BLNK: variants seen among roughly 807,000 people sequenced by gnomAD.
The protein encoded by BLNK is B-cell linker protein.
A neutral mutation model predicts 73.5 loss-of-function variants in BLNK; 29 were observed. That is an observed-to-expected ratio of 0.39 (90% CI 0.29 to 0.54). The LOEUF is 0.54. BLNK is among the 20% of genes least tolerant of loss of function. The pLI is 0.61. For synonymous variants in BLNK, 176 were observed against 200.8 expected (o/e 0.88, Z 1.04); for missense variants, 460 against 562.8 (o/e 0.82, Z 1.85).
chr10:96,239,158 C>T, intron 3 of BLNK: 1 of 398,626 alleles, frequency 2.5e-6, no homozygotes, highest in Non-Finnish European at 4.4e-6. Flanking sequence ...GGAAAGGGAG[C>T]AGGTGTCTGA....
intron 1 of BLNK, among the ~76,000 whole-genome samples, chr10:96,270,649 A>C (rs1396224607): frequency 2.0e-5 from 3 of 152,100 alleles, no homozygotes; most frequent in Admixed American, 6.5e-5. Flanking sequence ...TGAAAAAAAA[A>C]CTGCACTCCC....
At chr10:96,199,233 A>G (rs1410875336) in intron 15 of BLNK, among the ~76,000 whole-genome samples, 1 of 152,208 alleles carries the variant, frequency 6.6e-6, no homozygotes. Context: ...GAAAACAAAG[A>G]AAAAGAAAAT....
At chr10:96,227,388 C>A (rs2305846) in intron 5 of BLNK, 22 bp downstream of exon 5, 6 of 1,610,848 alleles carry the variant, frequency 3.7e-6, no homozygotes, top group Non-Finnish European at 5.1e-6. Flanking sequence ...GGCCGAGTGC[C>A]CAGGTCTGCG....
At chr10:96,232,185 A>G (rs1842524625) in intron 3 of BLNK, among the ~76,000 whole-genome samples, 1 of 152,220 alleles carries the variant, frequency 6.6e-6, no homozygotes. Flanking sequence ...CCATGACAGC[A>G]CCACAGAGGG....
At chr10:96,231,188 A>T (rs1554903945) in intron 3 of BLNK, among the ~76,000 whole-genome samples, 1 of 152,142 alleles carries the variant, frequency 6.6e-6, no homozygotes, top group Non-Finnish European at 1.5e-5. Context: ...CAGGACAGGG[A>T]ATCAGACAGA....
At chr10:96,204,006 G>T (rs782631227) in intron 13 of BLNK, 51 bp downstream of exon 13, 1 of 1,521,116 alleles carries the variant, frequency 6.6e-7, no homozygotes, top group South Asian at 1.1e-5. Flanking sequence ...CAGACTCTAG[G>T]ATCCAGCCTC....
At chr10:96,216,801 T>A (rs1554899993) in intron 6 of BLNK, 67 bp from the exon 7 acceptor site, 2 of 1,359,982 alleles carry the variant, frequency 1.5e-6, no homozygotes, top group East Asian at 2.3e-5. Flanking sequence ...TGGGAGGGAG[T>A]GATTTTTTTA....
chr10:96,193,421 A>G (rs1416121920), intron 16 of BLNK, among the ~76,000 whole-genome samples: 3 of 152,216 alleles, frequency 2.0e-5, no homozygotes, highest in Non-Finnish European at 4.4e-5. Context: ...TTATACAAAC[A>G]AATATCTCAT....
chr10:96,206,941 G>T, intron 11 of BLNK, 70 bp downstream of exon 11: 1 of 1,438,982 alleles, frequency 6.9e-7, no homozygotes, highest in Non-Finnish European at 9.8e-7. Context: ...TGTAATAAAT[G>T]TGTACATACA....
chr10:96,210,461 T>C (rs1050052973), intron 8 of BLNK, among the ~76,000 whole-genome samples: 2 of 152,266 alleles, frequency 1.3e-5, no homozygotes, highest in Non-Finnish European at 2.9e-5. Context: ...TCAAGGGCTT[T>C]CGCCGACAGG....
intron 2 of BLNK, among the ~76,000 whole-genome samples, chr10:96,245,788 G>A (rs1432854856): frequency 6.6e-6 from 1 of 152,042 alleles, no homozygotes; most frequent in Non-Finnish European, 1.5e-5. Flanking sequence ...GTGTATGTAT[G>A]TATGTGTTTA....
Position 96,248,558 on chromosome 10 carries a change from TG to T in BLNK, c.48-1510del, listed in dbSNP as rs1234286684. 2.0e-5 allele frequency among the ~76,000 whole-genome samples: 3 copies of T among 152,232 alleles called. No individual in the cohort carries two copies. In the East Asian group the frequency reaches 5.8e-4, roughly 29 times the overall value. On this transcript the variant is annotated intron_variant, in intron 1 of 16. Transcript: ENST00000224337. ...CAAGATTTAAAACGTCCATGACTTT[TG>T]ACCCAGCAATTGGACTGCTAAGAAT...
intron 2 of BLNK, 62 bp from the exon 3 acceptor site, chr10:96,242,846 G>A: frequency 7.3e-7 from 1 of 1,371,616 alleles, no homozygotes; most frequent in Non-Finnish European, 1.0e-6. Flanking sequence ...CAAAGCCGAT[G>A]CTAGAAGCTG....
intron 3 of BLNK, among the ~76,000 whole-genome samples, chr10:96,240,929 A>G (rs782437371): frequency 1.3e-5 from 2 of 152,384 alleles, no homozygotes; most frequent in Non-Finnish European, 2.9e-5. Flanking sequence ...TTCTCATATA[A>G]CTAGGAAGCT....
rs587764179 is a variant in BLNK at position 96,199,805 on chromosome 10, A to G, written c.1095+270T>C. On this transcript the variant is annotated intron_variant, in intron 15 of 16. Coordinates refer to ENST00000224337, the MANE Select transcript of BLNK (RefSeq NM_013314.4). The stretch of plus-strand genomic sequence containing the variant: ...GAGGCCAAGGCCGCCAGGCAGATCA[A>G]CTGAGGTCAGGAGTTCGAGAGCAGC... Among the ~76,000 whole-genome samples, 23 of 152,170 alleles carry G rather than the reference A, an allele frequency of 1.5e-4. No individual in the cohort carries two copies. In the East Asian group the frequency reaches 3.5e-3, roughly 23 times the overall value.
At chr10:96,253,445 G>A (rs963691688) in intron 1 of BLNK, among the ~76,000 whole-genome samples, 3 of 152,236 alleles carry the variant, frequency 2.0e-5, no homozygotes, top group Non-Finnish European at 4.4e-5. Context: ...CTGGGATCAA[G>A]AGGCTTGGAC....
chr10:96,205,662 G>A (rs868930463), intron 11 of BLNK, among the ~76,000 whole-genome samples: 3 of 152,278 alleles, frequency 2.0e-5, no homozygotes, highest in Admixed American at 6.5e-5. Flanking sequence ...CTCTGCCTCC[G>A]CCATCCTGAT....
intron 7 of BLNK, 39 bp from the exon 8 acceptor site, chr10:96,215,428 TATAC>T: frequency 6.8e-7 from 1 of 1,474,632 alleles, no homozygotes. Flanking sequence ...TATATATATA[TATAC>T]ATAAAACCAT....
intron 8 of BLNK, among the ~76,000 whole-genome samples, chr10:96,211,499 C>T (rs1311949458): frequency 6.6e-6 from 1 of 152,168 alleles, no homozygotes; most frequent in Non-Finnish European, 1.5e-5. Flanking sequence ...CAGGAAGTTC[C>T]TTCCCATGTA....
Sources: gnomAD v4.1 joint callset for allele counts (sites outside exome capture counted in the v4.1 genomes callset) on GRCh38, gnomAD v4.1.1 for gene constraint, MANE v1.5 for transcripts, NCBI Gene and HGNC (gene_info 2026-07-23, HGNC 2026-07-21) for gene names.